The following APC2 variants were observed in gnomAD, a reference collection of about 807,000 sequenced individuals.
APC2 encodes APC regulator of Wnt signaling pathway 2, also known as adenomatous polyposis coli protein 2.
In APC2, 41 loss-of-function variants were observed where a neutral mutation model predicts 72.5. That is an observed-to-expected ratio of 0.57 (90% CI 0.44 to 0.73). The LOEUF is 0.73. Among genes scored for constraint, APC2 ranks in the 30% least tolerant of loss-of-function variants. The probability of loss-of-function intolerance (pLI) is 0.00; values close to 1 mark genes in which losing one functional copy is unlikely to be tolerated. For missense variants in APC2, 3,729 were observed against 3,403.4 expected, an observed-to-expected ratio of 1.10 and a Z score of -2.38; for synonymous variants, 1,898 against 1,612.0, an observed-to-expected ratio of 1.18 and a Z score of -4.25.
intron 3 of APC2, 38 bp downstream of exon 3, chr19:1,453,375 G>A (rs1224267203): frequency 6.2e-7 from 1 of 1,611,486 alleles, no homozygotes; most frequent in East Asian, 2.2e-5. Flanking sequence ...AGTGGGGGAG[G>A]CTGGGGGGAA....
At chr19:1,461,802 A>C (rs1193964655) in intron 13 of APC2, 161 bp from the exon 14 acceptor site, 10 of 624,364 alleles carry the variant, frequency 1.6e-5, no homozygotes, top group Non-Finnish European at 2.7e-5. Context: ...CAGTGAGTCG[A>C]GATCTCGCCA....
At chr19:1,446,258 G>A (rs961709337), upstream of APC2, 2 of 984,462 alleles carry the variant, frequency 2.0e-6, no homozygotes, top group Non-Finnish European at 2.4e-6. This position sits in a 1 kb window ranked among gnomAD's most constrained non-coding sequence, Gnocchi z 6.1. Flanking sequence ...GAGGGGCGGG[G>A]CGCGGCGGGT....
At chr19:1,456,256 A>C in intron 7 of APC2, 50 bp from the exon 8 acceptor site, 1 of 1,571,616 alleles carries the variant, frequency 6.4e-7, no homozygotes, top group Non-Finnish European at 8.6e-7. Flanking sequence ...ACGGGTGAGC[A>C]GACTGGGTGC....
At position 1,450,128 on chromosome 19, in the gene APC2, T is replaced by C. The variant is rs2083725650; in HGVS notation, c.-229T>C. On this transcript the variant is annotated 5_prime_UTR_variant, in exon 1 of 15. Coordinates refer to ENST00000590469, the MANE Select transcript of APC2 (RefSeq NM_005883.3). ...CCGCATCCTCCCCCGCTCGCGGTGG[T>C]CTCGCCCAGCGCTAGGAGCGGCAGC... 1.0e-6 allele frequency: 1 copy of C among 984,968 alleles called. No individual in the cohort carries two copies. Among genetic ancestry groups the C allele is most frequent in the East Asian group, 1.1e-4 (1 of 8,778 alleles). The allele number at this position is 984,968 out of a possible 1,614,324, so 61.0% of individuals were successfully genotyped here.
In APC2 at chr19:1,469,714, G is replaced by C. The variant is rs1215169696; in HGVS notation, c.6413G>C (p.Arg2138Thr). ...SSDGEPRPLPRVAAPGTTWRR... is the reference protein window; with the variant it reads ...SSDGEPRPLPTVAAPGTTWRR... ...GACGGGGAGCCCCGGCCGCTCCCCA[G>C]GGTGGCCGCGCCGGGCACGACCTGG... Residue 2138 changes from arginine (R) to threonine (T), a missense_variant, in exon 15 of 15, where the codon AGG becomes ACG. Coordinates refer to ENST00000590469, the MANE Select transcript of APC2 (RefSeq NM_005883.3). The C allele has an allele frequency of 4.1e-6, 6 of 1,446,750 alleles. No individual in the cohort carries two copies. Among genetic ancestry groups the C allele is most frequent in the Non-Finnish European group, 5.4e-6 (6 of 1,106,308 alleles). The allele number at this position is 1,446,750 out of a possible 1,614,324, so 89.6% of individuals were successfully genotyped here.
At position 1,465,420 on chromosome 19, in the gene APC2, A is replaced by C. The variant is rs1175038237; in HGVS notation, c.2119A>C (p.Thr707Pro). ...GCCCGCCAAGCACCAGGCGGCCGCC[A>C]CCGCCGTGTCCCCAGGCAGCTGCGT... ...HRPAKHQAAA[T>P]AVSPGSCVPS... is the part of the protein sequence containing the mutation. The change falls in exon 15 of 15, where the codon ACC becomes CCC. Residue 707 changes from threonine (T) to proline (P), a missense_variant. By Grantham distance (38) the Thr-to-Pro change is conservative. Coordinates refer to ENST00000590469, the MANE Select transcript of APC2 (RefSeq NM_005883.3). 1 of 1,544,134 alleles carries C rather than the reference A, an allele frequency of 6.5e-7. No individual in the cohort carries two copies. Among genetic ancestry groups the C allele is most frequent in the East Asian group, 2.4e-5 (1 of 41,388 alleles).
At chr19:1,461,891 G>A in intron 13 of APC2, 72 bp from the exon 14 acceptor site, 1 of 1,302,338 alleles carries the variant, frequency 7.7e-7, no homozygotes, top group Non-Finnish European at 1.1e-6. Flanking sequence ...CAACTTCACT[G>A]AATGTGAGCG....
Position 1,452,901 on chromosome 19 carries a change from T to G in APC2, c.-18-83T>G. ...CAGGATCAGGCAGGACGGCTGGGGC[T>G]TAGGTCAGGGGCCGTCTGTCCGGAA... On this transcript the variant is annotated intron_variant, in intron 1 of 14. Transcript: ENST00000590469. This position sits in a 1 kb window ranked among gnomAD's most constrained non-coding sequence, Gnocchi z 5.1. 6.7e-7 allele frequency: 1 copy of G among 1,483,882 alleles called. No homozygotes were observed. The allele number at this position is 1,483,882 out of a possible 1,614,324, so 91.9% of individuals were successfully genotyped here. A position where few individuals can be genotyped will look rare whatever the true frequency, so the allele number is the denominator to read the frequency against.
In APC2 at chr19:1,469,964, C is replaced by T; in HGVS notation, c.6663C>T (p.Gly2221=). 1.3e-6 allele frequency: 2 copies of T among 1,517,756 alleles called. No homozygotes were observed. The highest frequency in any genetic ancestry group is 1.8e-6 in the Non-Finnish European group (2 of 1,138,992). The allele number at this position is 1,517,756 out of a possible 1,614,324, so 94.0% of individuals were successfully genotyped here. A position where few individuals can be genotyped will look rare whatever the true frequency, so the allele number is the denominator to read the frequency against. The part of the protein sequence containing the change: ...TREPPGAPAG[G]QLSLLGSDVD... Reference sequence around the variant, plus strand: ...AGCCCCCCGGGGCCCCCGCCGGCGGCCAGCTCTCCCTCCTCGGCAGCGACG... The same window carrying T: ...AGCCCCCCGGGGCCCCCGCCGGCGGTCAGCTCTCCCTCCTCGGCAGCGACG... The change falls in exon 15 of 15, where the codon GGC becomes GGT. Residue 2221 remains glycine, a synonymous_variant. Coordinates refer to ENST00000590469, the MANE Select transcript of APC2 (RefSeq NM_005883.3).
rs1199936866 is a variant in APC2 at position 1,453,021 on chromosome 19, C to T, written c.20C>T (p.Pro7Leu). ...CTGAAGATGGCGAGCTCCGTGGCGC[C>T]CTACGAGCAGCTGGTGAGGCAGGTG... MASSVA[P>L]YEQLVRQVEA... The change falls in exon 2 of 15, where the codon CCC (proline) becomes CTC (leucine). Residue 7 changes from proline (P) to leucine (L), a missense_variant. Transcript: ENST00000590469. The T allele has an allele frequency of 1.2e-6, 2 of 1,611,186 alleles. No homozygotes were observed. The highest frequency in any genetic ancestry group is 1.7e-5 in the Admixed American group (1 of 59,970).
chr19:1,447,501 T>C (rs1268539254), upstream of APC2, among the ~76,000 whole-genome samples: 1 of 152,038 alleles, frequency 6.6e-6, no homozygotes. Flanking sequence ...GGTCGGGGTC[T>C]TGGGCTAGGC....
chr19:1,457,505 G>A, intron 9 of APC2: 2 of 558,820 alleles, frequency 3.6e-6, no homozygotes, highest in Non-Finnish European at 3.1e-6. Context: ...GTTGGGTGCA[G>A]ACTTTGAGAT....
Position 1,469,008 on chromosome 19 carries a change from CCCGGAG to C in APC2, c.5710_5715del (p.Gly1904_Ala1905del), listed in dbSNP as rs1240707791. On this transcript the variant is annotated inframe_deletion, in exon 15 of 15. Transcript: ENST00000590469. ...CCAGGCTGCTGGGGCCCTGCCCGGC[CCCGGAG>C]CCTCCCCGGTGCCCAAAACGCCGGC... 1.7e-5 allele frequency: 26 copies of C among 1,552,678 alleles called. No individual in the cohort carries two copies. The highest frequency in any genetic ancestry group is 2.2e-5 in the Non-Finnish European group (25 of 1,153,052).
At chr19:1,464,632 CTTT>C (rs1010096440) in intron 14 of APC2, among the ~76,000 whole-genome samples, 150 of 123,678 alleles carry the variant, frequency 1.2e-3, no homozygotes, top group Middle Eastern at 4.3e-3. Context: ...CTGTTTTTTC[CTTT>C]TTTTTTTTTT....
chr19:1,446,315 C>T (rs1322570487), upstream of APC2: 2 of 985,156 alleles, frequency 2.0e-6, no homozygotes. This position sits in a 1 kb window ranked among gnomAD's most constrained non-coding sequence, Gnocchi z 6.1. Flanking sequence ...CCTGAGCCTG[C>T]TGCACTCGGC....
At chr19:1,446,461 GC>G (rs2083688293), upstream of APC2, 6 of 762,840 alleles carry the variant, frequency 7.9e-6, no homozygotes, top group Non-Finnish European at 9.6e-6. The surrounding 1 kb of genome is among the most constrained non-coding windows in gnomAD (Gnocchi z 6.1). Context: ...GCGCGCGGAG[GC>G]TGCAGAGTCG....
At chr19:1,460,930 T>C in intron 12 of APC2, 73 bp downstream of exon 12, 1 of 1,595,406 alleles carries the variant, frequency 6.3e-7, no homozygotes, top group East Asian at 2.2e-5. Flanking sequence ...AGCGGTGTGG[T>C]GGGCTGGCAG....
Position 1,455,173 on chromosome 19 carries a change from G to A in APC2, c.438G>A (p.Glu146=), listed in dbSNP as rs772074376. The change falls in exon 5 of 15, where the codon GAG becomes GAA. Residue 146 remains glutamate (E), a synonymous_variant. Transcript: ENST00000590469. ...GGTGTTTCCTGCTGAATGAGATTGAGAAGGAGGAGAAGGAGAAGCTCTGGT... is the reference window on the plus strand; with the variant it reads ...GGTGTTTCCTGCTGAATGAGATTGAAAAGGAGGAGAAGGAGAAGCTCTGGT... The part of the protein sequence containing the change: ...RERCFLLNEI[E]KEEKEKLWYY... 1 of 1,577,668 alleles carries A rather than the reference G, an allele frequency of 6.3e-7. No homozygotes were observed. Among genetic ancestry groups the A allele is most frequent in the African/African-American group, 1.4e-5 (1 of 71,352 alleles).
At chr19:1,459,683 G>A (rs1326507342) in intron 10 of APC2, among the ~76,000 whole-genome samples, 1 of 152,214 alleles carries the variant, frequency 6.6e-6, no homozygotes, top group Non-Finnish European at 1.5e-5. Context: ...TGACTCACAG[G>A]CGCCATCTCC....
Sources: gnomAD v4.1 joint callset for allele counts (sites outside exome capture counted in the v4.1 genomes callset) on GRCh38, gnomAD v4.1.1 for gene constraint, Gnocchi (gnomAD v3.1) non-coding constraint, MANE v1.5 for transcripts, NCBI Gene and HGNC (gene_info 2026-07-23, HGNC 2026-07-21) for gene names.